PRH1: variants seen among roughly 807,000 people sequenced by gnomAD.
The protein encoded by PRH1 is proline rich protein HaeIII subfamily 1.
A neutral mutation model predicts 7.9 loss-of-function variants in PRH1; 7 were observed. The ratio of observed to expected loss-of-function variants is 0.89; its 90% CI spans 0.50 to 1.67. The LOEUF (loss-of-function observed/expected upper bound fraction) is 1.67, where lower values mean the gene tolerates loss of function less well. PRH1 is among the 40% of genes most tolerant of loss of function. The pLI is 0.00. For synonymous variants in PRH1, 45 were observed against 80.8 expected (o/e 0.56, Z 2.38); for missense variants, 109 against 223.6 (o/e 0.49, Z 3.27).
chr12:11,159,137 A>T, intron 1 of PRH1: 2 of 152,150 alleles, frequency 1.3e-5, no homozygotes, highest in East Asian at 3.9e-4. Flanking sequence ...GGTCAGAGTC[A>T]GAAGAAAGGG....
At chr12:10,919,386 G>C (rs1950015534) in intron 2 of PRH1, among the ~76,000 whole-genome samples, 1 of 152,182 alleles carries the variant, frequency 6.6e-6, no homozygotes, top group Non-Finnish European at 1.5e-5. Context: ...AAGGTGAGAG[G>C]ATAGACATGT....
intron 1 of PRH1, among the ~76,000 whole-genome samples, chr12:10,883,417 C>T (rs1435993666): frequency 6.6e-6 from 1 of 152,154 alleles, no homozygotes; most frequent in Non-Finnish European, 1.5e-5. Context: ...TCTGTTTTCT[C>T]ATCCTCCTCT....
chr12:10,909,136 T>C, intron 2 of PRH1: 1 of 1,613,936 alleles, frequency 6.2e-7, no homozygotes, highest in Non-Finnish European at 8.5e-7. Context: ...AGCCCAATTC[T>C]GGAGATTGCC....
intron 2 of PRH1, among the ~76,000 whole-genome samples, chr12:10,950,524 T>C (rs1591717901): frequency 6.6e-6 from 1 of 151,834 alleles, no homozygotes; most frequent in East Asian, 1.9e-4. Context: ...TCTGATTTCA[T>C]ATACATTTCT....
At chr12:11,156,175 G>A (rs35340812) in intron 1 of PRH1, among the ~76,000 whole-genome samples, 69,178 of 151,862 alleles carry the variant, frequency 0.46, 16,544 homozygotes, top group Non-Finnish European at 0.53. Context: ...CCTTTGAAAC[G>A]CACTGAAAAT....
intron 1 of PRH1, among the ~76,000 whole-genome samples, chr12:10,982,575 T>A (rs1295861705): frequency 1.3e-5 from 2 of 152,200 alleles, no homozygotes; most frequent in Admixed American, 1.3e-4. Context: ...TGCTTCACTG[T>A]TTTCTGTCAG....
chr12:11,109,304 G>A (rs1945520380), intron 1 of PRH1, among the ~76,000 whole-genome samples: 7 of 152,204 alleles, frequency 4.6e-5, no homozygotes, highest in Admixed American at 4.6e-4. Context: ...TCCCAGCACA[G>A]CACTTGAGCT....
At chr12:11,165,101 T>C (rs1947533215) in intron 1 of PRH1, among the ~76,000 whole-genome samples, 1 of 152,176 alleles carries the variant, frequency 6.6e-6, no homozygotes, top group Non-Finnish European at 1.5e-5. Flanking sequence ...TGTTGCTGAG[T>C]AGTATTCAAT....
chr12:11,135,573 G>A (rs1443116270), intron 1 of PRH1, among the ~76,000 whole-genome samples: 4 of 119,356 alleles, frequency 3.4e-5, no homozygotes, highest in African/African-American at 1.2e-4. Context: ...AGTTTTGAAG[G>A]GTTTCTCTTG....
intron 1 of PRH1, among the ~76,000 whole-genome samples, chr12:11,074,542 C>T (rs1944219431): frequency 7.8e-6 from 1 of 127,822 alleles, no homozygotes; most frequent in Admixed American, 7.8e-5. Context: ...GATGAACTTG[C>T]CCGAAGGGAC....
At chr12:10,881,364 T>C (rs1197973984) in intron 3 of PRH1, among the ~76,000 whole-genome samples, 4 of 152,220 alleles carry the variant, frequency 2.6e-5, no homozygotes, top group Non-Finnish European at 5.9e-5. Context: ...ACATATCATA[T>C]AATAGTGAGA....
chr12:11,038,001 T>C (rs1172548883), intron 1 of PRH1, among the ~76,000 whole-genome samples: 3 of 152,156 alleles, frequency 2.0e-5, no homozygotes, highest in Non-Finnish European at 4.4e-5. Context: ...AAGATTGCGC[T>C]TGTGCACTCC....
rs1439390428 is a variant in PRH1 at position 11,074,668 on chromosome 12, C to T, written n.124-27480G>A. 2.0e-5 allele frequency among the ~76,000 whole-genome samples: 2 copies of T among 101,684 alleles called. 1 individual carries two copies. The highest frequency in any genetic ancestry group is 4.7e-5 in the Non-Finnish European group (2 of 42,126). The allele number at this position is 101,684 out of a possible 152,430, so 66.7% of individuals were successfully genotyped here. ...ACAAAAAATTAAAAAAAAAACAAAA[C>T]AAGTATCTCTTAGAAAAATGGGGGT... On this transcript the variant is annotated intron_variant and non_coding_transcript_variant, in intron 1 of 4. Transcript: ENST00000541977.
At chr12:10,985,858 A>C (rs997879897) in intron 1 of PRH1, 1 of 1,264,314 alleles carries the variant, frequency 7.9e-7, no homozygotes, top group South Asian at 1.6e-5. Flanking sequence ...AAAACAGTAA[A>C]AAGTATAAAA....
chr12:11,149,180 T>C (rs1424774289), intron 1 of PRH1, among the ~76,000 whole-genome samples: 13 of 152,122 alleles, frequency 8.5e-5, no homozygotes, highest in African/African-American at 3.1e-4. Flanking sequence ...TCTCTCTTTT[T>C]TTCTTTATTA....
intron 1 of PRH1, among the ~76,000 whole-genome samples, chr12:11,165,539 T>C (rs982775175): frequency 6.6e-6 from 1 of 152,208 alleles, no homozygotes; most frequent in Non-Finnish European, 1.5e-5. Context: ...ACTAGAATTT[T>C]AACACATTAA....
At chr12:10,947,371 T>C (rs1055080628) in intron 2 of PRH1, among the ~76,000 whole-genome samples, 1 of 152,204 alleles carries the variant, frequency 6.6e-6, no homozygotes, top group African/African-American at 2.4e-5. Context: ...TACTTTACCA[T>C]TATGTTATAT....
chr12:11,032,942 G>T (rs1241230697), intron 1 of PRH1, among the ~76,000 whole-genome samples: 1 of 152,036 alleles, frequency 6.6e-6, no homozygotes, highest in East Asian at 1.9e-4. Context: ...TAAGAGTATG[G>T]CCTATCTAGT....
chr12:11,030,070 A>C (rs1942108801), intron 1 of PRH1, among the ~76,000 whole-genome samples: 1 of 151,394 alleles, frequency 6.6e-6, no homozygotes. Context: ...GACATCATAA[A>C]TTCTACAAAT....
Sources: gnomAD v4.1 joint callset for allele counts (sites outside exome capture counted in the v4.1 genomes callset) on GRCh38, gnomAD v4.1.1 for gene constraint, MANE v1.5 for transcripts, NCBI Gene and HGNC (gene_info 2026-07-23, HGNC 2026-07-21) for gene names.